MAP3K3: variants seen among roughly 807,000 people sequenced by gnomAD.
The protein encoded by MAP3K3 is MAP/ERK kinase kinase 3.
MAP3K3 carries 12 observed loss-of-function variants against 80.9 expected under a neutral mutation model. That is an observed-to-expected ratio of 0.15 (90% confidence interval 0.10 to 0.24). The LOEUF (loss-of-function observed/expected upper bound fraction) is 0.24, where lower values mean the gene tolerates loss of function less well. MAP3K3 is among the 10% of genes least tolerant of loss of function. MAP3K3 has a pLI of 1.00. For synonymous variants in MAP3K3, 272 were observed against 307.1 expected (o/e 0.89, Z 1.19); for missense variants, 596 against 834.7 (o/e 0.71, Z 3.52).
chr17:63,654,643 A>G (rs541715516), intron 4 of MAP3K3, among the ~76,000 whole-genome samples: 56 of 152,334 alleles, frequency 3.7e-4, no homozygotes, highest in Non-Finnish European at 6.8e-4. Context: ...CAGATTTTCT[A>G]TAATGGTTGC....
At chr17:63,672,725 G>A (rs1366321468) in intron 6 of MAP3K3, 1 of 152,362 alleles carries the variant, frequency 6.6e-6, no homozygotes, top group Non-Finnish European at 1.5e-5. Flanking sequence ...CAGAAAAGGA[G>A]TAACCAGAGA....
chr17:63,688,459 G>A (rs2035507635), intron 8 of MAP3K3, 68 bp from the exon 9 acceptor site: 8 of 1,264,442 alleles, frequency 6.3e-6, no homozygotes, highest in Non-Finnish European at 9.3e-6. Flanking sequence ...AAGGGAGACT[G>A]CCTGGACGCC....
intron 12 of MAP3K3, chr17:63,690,706 A>C (rs893097075): frequency 9.1e-6 from 4 of 441,020 alleles, no homozygotes; most frequent in African/African-American, 2.0e-5. Flanking sequence ...TCCCCTAGAC[A>C]AGTATCTCTC....
chr17:63,640,562 C>T (rs2034419491), intron 2 of MAP3K3, among the ~76,000 whole-genome samples: 1 of 152,082 alleles, frequency 6.6e-6, no homozygotes, highest in Non-Finnish European at 1.5e-5. Flanking sequence ...GCAACCAGAC[C>T]TGTCCTGAAT....
At chr17:63,667,614 C>G (rs1430643113) in intron 6 of MAP3K3, among the ~76,000 whole-genome samples, 1 of 152,094 alleles carries the variant, frequency 6.6e-6, no homozygotes, top group Non-Finnish European at 1.5e-5. Context: ...ATGCCAAGGT[C>G]TGTGGATGCT....
At chr17:63,638,031 C>T (rs1336453810) in intron 2 of MAP3K3, among the ~76,000 whole-genome samples, 1 of 152,038 alleles carries the variant, frequency 6.6e-6, no homozygotes, top group Non-Finnish European at 1.5e-5. Context: ...GTGTGAAAGA[C>T]CTGGCTCTTC....
Position 63,692,631 on chromosome 17 carries a change from A to G in MAP3K3, c.1652+212A>G, listed in dbSNP as rs1034598538. Among the ~76,000 whole-genome samples the G allele has an allele frequency of 6.6e-5, 10 of 152,252 alleles. No homozygotes were observed. The highest frequency in any genetic ancestry group is 2.4e-4 in the African/African-American group (10 of 41,468). The stretch of plus-strand genomic sequence containing the variant: ...TCCATTAGAGCTGGGAACTTAGGCC[A>G]TGGAAAACATCCCTCATGTTTGCTA... On this transcript the variant is annotated intron_variant, in intron 15 of 15. Coordinates refer to ENST00000361733, the MANE Select transcript of MAP3K3 (RefSeq NM_002401.5). This position sits in a 1 kb window ranked among gnomAD's most constrained non-coding sequence, Gnocchi z 4.5.
At chr17:63,625,655 C>T (rs1459455398) in intron 1 of MAP3K3, among the ~76,000 whole-genome samples, 1 of 152,150 alleles carries the variant, frequency 6.6e-6, no homozygotes, top group East Asian at 1.9e-4. Context: ...ATCTGACCAC[C>T]TATGTAGACT....
intron 2 of MAP3K3, among the ~76,000 whole-genome samples, chr17:63,639,741 C>A (rs983637914): frequency 3.3e-5 from 5 of 151,936 alleles, no homozygotes; most frequent in African/African-American, 9.7e-5. Context: ...AAAAAAAATA[C>A]AACAAAAATT....
At chr17:63,644,765 C>G (rs1170661141) in intron 2 of MAP3K3, among the ~76,000 whole-genome samples, 1 of 152,136 alleles carries the variant, frequency 6.6e-6, no homozygotes, top group African/African-American at 2.4e-5. Flanking sequence ...TTTCTGTTGT[C>G]TGTTTGCTAT....
In MAP3K3 at chr17:63,691,189, C is replaced by T. The variant is rs368232481; in HGVS notation, c.1300C>T (p.Arg434Cys). 1.3e-5 allele frequency: 21 copies of T among 1,614,078 alleles called. No homozygotes were observed. Among genetic ancestry groups the T allele is most frequent in the African/African-American group, 1.2e-4 (9 of 74,936 alleles). The part of the protein sequence containing the change: ...IVQYYGCLRD[R>C]AEKTLTIFME... The stretch of plus-strand genomic sequence containing the variant: ...GCAGTACTATGGCTGTCTGCGGGAC[C>T]GCGCTGAGAAGACCCTGACCATCTT... The change falls in exon 13 of 16, where the codon CGC (arginine) becomes TGC (cysteine). Residue 434 changes from arginine to cysteine, a missense_variant. Arg to Cys is a radical substitution (Grantham distance 180, BLOSUM62 -3). Coordinates refer to ENST00000361733, the MANE Select transcript of MAP3K3 (RefSeq NM_002401.5). The surrounding 1 kb of genome is among the most constrained non-coding windows in gnomAD (Gnocchi z 4.8).
At position 63,632,665 on chromosome 17, in the gene MAP3K3, C is replaced by T. The variant is rs374113385; in HGVS notation, c.5-16C>T. 8.4e-5 allele frequency: 135 copies of T among 1,613,440 alleles called. No individual in the cohort carries two copies. Among genetic ancestry groups the T allele is most frequent in the African/African-American group, 1.6e-4 (12 of 74,906 alleles). On this transcript the variant is annotated splice_polypyrimidine_tract_variant and intron_variant, in intron 1 of 15. Transcript: ENST00000361733. The stretch of plus-strand genomic sequence containing the variant: ...GTATTTAAGTGTCTTAGTCCATGTG[C>T]TCTCTTTCATTGCAGACGAACAGGA...
At chr17:63,643,973 C>A (rs1224601389) in intron 2 of MAP3K3, among the ~76,000 whole-genome samples, 2 of 152,138 alleles carry the variant, frequency 1.3e-5, no homozygotes, top group African/African-American at 4.8e-5. Flanking sequence ...CCTACCTCTT[C>A]CTTTACAAGC....
chr17:63,633,582 TA>T (rs1175127318), intron 2 of MAP3K3, among the ~76,000 whole-genome samples: 1 of 152,264 alleles, frequency 6.6e-6, no homozygotes, highest in Non-Finnish European at 1.5e-5. Context: ...ACCTTATTGA[TA>T]GTGCCTGTTT....
intron 1 of MAP3K3, among the ~76,000 whole-genome samples, chr17:63,628,434 C>T (rs2034148669): frequency 6.7e-6 from 1 of 149,746 alleles, no homozygotes; most frequent in South Asian, 2.1e-4. Context: ...CATCTTGGCT[C>T]ACCGCAACCT....
At chr17:63,652,496 C>A in intron 3 of MAP3K3, 61 bp from the exon 4 acceptor site, 1 of 1,100,864 alleles carries the variant, frequency 9.1e-7, no homozygotes, top group Non-Finnish European at 1.4e-6. Flanking sequence ...CAGACCATTG[C>A]TTTTTAAACC....
At chr17:63,683,015 A>C (rs1229165942) in intron 7 of MAP3K3, among the ~76,000 whole-genome samples, 3 of 152,248 alleles carry the variant, frequency 2.0e-5, no homozygotes, top group Non-Finnish European at 4.4e-5. Flanking sequence ...GAACTCACCA[A>C]GCATGAGATC....
chr17:63,639,500 G>A (rs908276908), intron 2 of MAP3K3, among the ~76,000 whole-genome samples: 1 of 152,108 alleles, frequency 6.6e-6, no homozygotes. Context: ...ATAGATAATG[G>A]GTATCACTGA....
intron 3 of MAP3K3, among the ~76,000 whole-genome samples, chr17:63,650,701 T>C (rs1169854875): frequency 6.8e-6 from 1 of 146,496 alleles, no homozygotes; most frequent in Non-Finnish European, 1.5e-5. Flanking sequence ...AGAGAGTTTT[T>C]TTTTTTTTTA....
Sources: allele counts gnomAD v4.1 joint callset (sites outside exome capture counted in the v4.1 genomes callset), GRCh38; gene constraint gnomAD v4.1.1; non-coding constraint Gnocchi (gnomAD v3.1); transcripts MANE v1.5; gene names NCBI Gene and HGNC (gene_info 2026-07-23, HGNC 2026-07-21).